The following C1QL1 variants were observed in gnomAD, a reference collection of about 807,000 sequenced individuals.
C1QL1 encodes the protein complement C1q like 1.
C1QL1 carries 15 observed loss-of-function variants against 14.2 expected under a neutral mutation model. The ratio of observed to expected loss-of-function variants is 1.06; its 90% CI spans 0.71 to 1.62. The LOEUF (loss-of-function observed/expected upper bound fraction) is 1.62. C1QL1 is among the 40% of genes most tolerant of loss of function. The pLI, the probability that C1QL1 is intolerant of heterozygous loss-of-function variation, is 0.00. For missense variants in C1QL1, 346 were observed against 380.3 expected (o/e 0.91, Z 0.75); for synonymous variants, 172 against 172.4 (o/e 1.00, Z 0.02).
intron 1 of C1QL1, among the ~76,000 whole-genome samples, chr17:44,960,723 C>T (rs1467143082): frequency 6.6e-6 from 1 of 152,212 alleles, no homozygotes; most frequent in African/African-American, 2.4e-5. Flanking sequence ...TTCTCTGGAC[C>T]TCCAGGGAAT....
rs375995083 is a variant in C1QL1, at chr17:44,967,764, C to A, written c.285G>T (p.Pro95=). The A allele has an allele frequency of 3.5e-5, 54 of 1,561,678 alleles. No homozygotes were observed. The highest frequency in any genetic ancestry group is 4.5e-5 in the Non-Finnish European group (52 of 1,158,126). Residue 95 remains proline, a synonymous_variant, in exon 1 of 2, where the codon CCG becomes CCT. Coordinates refer to ENST00000253407, the MANE Select transcript of C1QL1 (RefSeq NM_006688.5). The surrounding 1 kb of genome is among the most constrained non-coding windows in gnomAD (Gnocchi z 7.0). ...TGCCTGGCTCACCCTTCTCCCCCGG[C>A]GGCCCCACAGGGCCGGGAGGACCTG... ...GDPGPPGPVG[P]PGEKGEPGKP... is the part of the protein sequence containing the mutation.
intron 1 of C1QL1, among the ~76,000 whole-genome samples, chr17:44,961,910 AAGAGAG>A (rs1279714342): frequency 1.2e-3 from 153 of 129,734 alleles, no homozygotes; most frequent in Middle Eastern, 8.6e-3. Flanking sequence ...AAAAAAAAAA[AAGAGAG>A]AGAGAGAGAG....
chr17:44,961,657 C>T lies in C1QL1; in HGVS notation c.598-1290G>A, dbSNP rs1255633939. Among the ~76,000 whole-genome samples, 5 of 149,254 alleles carry T rather than the reference C, an allele frequency of 3.3e-5. 1 individual carries two copies. The South Asian group carries it at 8.5e-4, about 25-fold the overall frequency. ...ATCCCAGCACTTTGGGAGGCCGAGG[C>T]GGGTGGATCATGAGGTCAGGAGATC... On this transcript the variant is annotated intron_variant, in intron 1 of 1. Transcript: ENST00000253407.
chr17:44,961,643 T>C (rs1402210218), intron 1 of C1QL1, among the ~76,000 whole-genome samples: 2 of 149,110 alleles, frequency 1.3e-5, no homozygotes, highest in Non-Finnish European at 1.5e-5. Context: ...TCCCAGCACT[T>C]TGGGAGGCCG....
chr17:44,961,187 C>T (rs542260275), intron 1 of C1QL1, among the ~76,000 whole-genome samples: 1 of 152,320 alleles, frequency 6.6e-6, no homozygotes, highest in Non-Finnish European at 1.5e-5. Context: ...CTTGCTGGTC[C>T]CTGCCTTGAT....
Position 44,963,725 on chromosome 17 carries a change from C to T in C1QL1, c.598-3358G>A, listed in dbSNP as rs1390973042. On this transcript the variant is annotated intron_variant, in intron 1 of 1. Coordinates refer to ENST00000253407, the MANE Select transcript of C1QL1 (RefSeq NM_006688.5). The stretch of plus-strand genomic sequence containing the variant: ...ACAGGCGTGAGCCACTGTGCACAGC[C>T]TTCTTAGGTCTTTATACCACCACCT... Among the ~76,000 whole-genome samples the T allele has an allele frequency of 8.5e-5, 13 of 152,278 alleles. No individual in the cohort carries two copies. In the East Asian group the frequency reaches 1.9e-3, roughly 23 times the overall value.
At chr17:44,964,036 C>G (rs2052642722) in intron 1 of C1QL1, among the ~76,000 whole-genome samples, 1 of 152,176 alleles carries the variant, frequency 6.6e-6, no homozygotes, top group East Asian at 1.9e-4. Flanking sequence ...ATCCTAATGG[C>G]CAGGACTTGG....
intron 1 of C1QL1, 95 bp from the exon 2 acceptor site, chr17:44,960,462 C>G (rs2052621694): frequency 2.5e-6 from 2 of 799,784 alleles, no homozygotes; most frequent in Admixed American, 2.2e-5. Context: ...TCAGCAGACC[C>G]AGAAACCTGG....
intron 1 of C1QL1, among the ~76,000 whole-genome samples, chr17:44,963,270 C>G (rs2052637729): frequency 6.6e-6 from 1 of 152,068 alleles, no homozygotes; most frequent in East Asian, 1.9e-4. Context: ...GGGGAGCCAG[C>G]CTGGCCCATG....
In C1QL1 at chr17:44,967,772, C is replaced by A; in HGVS notation, c.277G>T (p.Val93Leu). 6.5e-7 allele frequency: 1 copy of A among 1,544,632 alleles called. No individual in the cohort carries two copies. Among genetic ancestry groups the A allele is most frequent in the Non-Finnish European group, 8.7e-7 (1 of 1,150,608 alleles). Residue 93 changes from valine (V) to leucine (L), a missense_variant, in exon 1 of 2, where the codon GTG (valine) becomes TTG (leucine). Val to Leu is a conservative substitution (Grantham distance 32). Coordinates refer to ENST00000253407, the MANE Select transcript of C1QL1 (RefSeq NM_006688.5). The surrounding 1 kb of genome is among the most constrained non-coding windows in gnomAD (Gnocchi z 7.0). ...TCACCCTTCTCCCCCGGCGGCCCCA[C>A]AGGGCCGGGAGGACCTGGGTCCCCG... The part of the protein sequence containing the change: ...PPGDPGPPGP[V>L]GPPGEKGEPG...
chr17:44,968,034 C>G lies in C1QL1; in HGVS notation c.15G>C (p.Leu5=), dbSNP rs1050314864. MLLV[L]VVLIPVLVSS... ...TCACCAGCACGGGGATGAGCACCACCAGCACCAGCAGCATCACCACACCCG... is the reference window on the plus strand; with the variant it reads ...TCACCAGCACGGGGATGAGCACCACGAGCACCAGCAGCATCACCACACCCG... Residue 5 remains leucine (L), a synonymous_variant, in exon 1 of 2, where the codon CTG becomes CTC. Transcript: ENST00000253407. 5 of 1,348,976 alleles carry G rather than the reference C, an allele frequency of 3.7e-6. No homozygotes were observed. The East Asian group carries it at 1.5e-4, about 40-fold the overall frequency. The allele number at this position is 1,348,976 out of a possible 1,614,324, so 83.6% of individuals were successfully genotyped here. A position where few individuals can be genotyped will look rare whatever the true frequency, so the allele number is the denominator to read the frequency against.
chr17:44,961,856 G>C (rs1181087070), intron 1 of C1QL1, among the ~76,000 whole-genome samples: 3 of 143,142 alleles, frequency 2.1e-5, no homozygotes, highest in Non-Finnish European at 3.0e-5. Context: ...ACTGCAGTCC[G>C]CAGTCCGGCC....
At position 44,967,620 on chromosome 17, in the gene C1QL1, G is replaced by C; in HGVS notation, c.429C>G (p.Tyr143Ter). The C allele has an allele frequency of 6.2e-7, 1 of 1,613,998 alleles. No homozygotes were observed. Among genetic ancestry groups the C allele is most frequent in the Non-Finnish European group, 8.5e-7 (1 of 1,179,926 alleles). Reference protein sequence around the residue: ...YAGLKNPHEGYEVLKFDDVVT... With the variant: ...YAGLKNPHEG ...CCACGTCGTCAAACTTGAGTACCTC[G>C]TAACCCTCGTGGGGGTTCTTGAGGC... Residue 143 changes from tyrosine (Y) to a stop codon, truncating the protein, a stop_gained, in exon 1 of 2, where the codon TAC (tyrosine) becomes TAG (stop). Transcript: ENST00000253407. LOFTEE classifies it high-confidence loss of function. This position sits in a 1 kb window ranked among gnomAD's most constrained non-coding sequence, Gnocchi z 7.0.
chr17:44,960,358 T>C lies in C1QL1; in HGVS notation c.607A>G (p.Ser203Gly). The change falls in exon 2 of 2, where the codon AGT becomes GGT. Residue 203 changes from serine to glycine, a missense_variant. Transcript: ENST00000253407. ...TGGTCCGCGTCCTGGGCAATAGCAC[T>C]GGCCCGCACCTGCGGGTGGGGGACA... Reference protein sequence around the residue: ...DLCKNGQVRASAIAQDADQNY... With the variant: ...DLCKNGQVRAGAIAQDADQNY... 6.2e-7 allele frequency: 1 copy of C among 1,613,144 alleles called. No individual in the cohort carries two copies. Among genetic ancestry groups the C allele is most frequent in the South Asian group, 1.1e-5 (1 of 91,024 alleles).
At chr17:44,964,293 G>C (rs1172794072) in intron 1 of C1QL1, among the ~76,000 whole-genome samples, 1 of 152,244 alleles carries the variant, frequency 6.6e-6, no homozygotes, top group Non-Finnish European at 1.5e-5. Flanking sequence ...GAAGTCACAA[G>C]AGATACAAGC....
At chr17:44,965,114 G>A (rs924054592) in intron 1 of C1QL1, among the ~76,000 whole-genome samples, 48 of 151,994 alleles carry the variant, frequency 3.2e-4, no homozygotes, top group Admixed American at 2.8e-3. Context: ...CCGGGTTCAC[G>A]CCATTCTCCC....
chr17:44,965,610 G>A lies in C1QL1; in HGVS notation c.597+1842C>T, dbSNP rs3024278. 6.0e-3 allele frequency among the ~76,000 whole-genome samples: 910 copies of A among 152,308 alleles called. 5 individuals carry two copies. The highest frequency in any genetic ancestry group is 0.02 in the African/African-American group (813 of 41,564). ...CTGTCAACACCCTGCCCCTGCTGGA[G>A]GGAAAAGGAGCTTTTGAGATGGTTT... On this transcript the variant is annotated intron_variant, in intron 1 of 1. Transcript: ENST00000253407.
At chr17:44,963,157 G>A (rs908532179) in intron 1 of C1QL1, among the ~76,000 whole-genome samples, 2 of 152,176 alleles carry the variant, frequency 1.3e-5, no homozygotes, top group Non-Finnish European at 2.9e-5. Flanking sequence ...GGAAACTGAG[G>A]CAATGGTCTG....
rs542185422 is a variant in C1QL1, at chr17:44,967,713, G to T, written c.336C>A (p.Gly112=). 2 of 1,609,500 alleles carry T rather than the reference G, an allele frequency of 1.2e-6. No homozygotes were observed. The highest frequency in any genetic ancestry group is 2.2e-5 in the East Asian group (1 of 44,800). The change falls in exon 1 of 2, where the codon GGC becomes GGA. Residue 112 remains glycine, a synonymous_variant. Transcript: ENST00000253407. This position sits in a 1 kb window ranked among gnomAD's most constrained non-coding sequence, Gnocchi z 7.0. ...PGKPGPPGLP[G]AGGSGAISTA... ...TGCTGATGGCGCCGCTGCCCCCCGC[G>T]CCCGGCAGCCCCGGAGGGCCCGGCT...
Sources: gnomAD v4.1 joint callset for allele counts (sites outside exome capture counted in the v4.1 genomes callset) on GRCh38, gnomAD v4.1.1 for gene constraint, Gnocchi (gnomAD v3.1) non-coding constraint, MANE v1.5 for transcripts, NCBI Gene and HGNC (gene_info 2026-07-23, HGNC 2026-07-21) for gene names.